The following LRRN2 variants were observed in gnomAD, a reference collection of about 807,000 sequenced individuals.
The protein encoded by LRRN2 is leucine-rich repeat neuronal protein 2.
LRRN2 carries 10 observed loss-of-function variants against 35.7 expected under a neutral mutation model. The observed-to-expected ratio is 0.28, with a 90% CI of 0.17 to 0.47. LRRN2 has a LOEUF of 0.47. Ranked by LOEUF, LRRN2 falls within the 20% of genes least tolerant of loss-of-function variation. The probability of loss-of-function intolerance (pLI) is 0.99; values close to 1 mark genes in which losing one functional copy is unlikely to be tolerated. For synonymous variants in LRRN2, 391 were observed against 409.6 expected (o/e 0.95, Z 0.55); for missense variants, 731 against 940.3 (o/e 0.78, Z 2.91).
intron 1 of LRRN2, among the ~76,000 whole-genome samples, chr1:204,651,143 T>C (rs1377216266): frequency 6.6e-6 from 1 of 152,134 alleles, no homozygotes; most frequent in Non-Finnish European, 1.5e-5. Context: ...GAGGAAGCTG[T>C]GCACAAGGAC....
intron 1 of LRRN2, among the ~76,000 whole-genome samples, chr1:204,637,817 C>T (rs1376997674): frequency 6.6e-6 from 1 of 152,134 alleles, no homozygotes. Flanking sequence ...ATGGCAACAC[C>T]GTGCTCTTTA....
Position 204,676,769 on chromosome 1 carries a change from C to G in LRRN2, c.-227+8551G>C, listed in dbSNP as rs574874277. Among the ~76,000 whole-genome samples the G allele has an allele frequency of 2.6e-5, 4 of 152,146 alleles. No individual in the cohort carries two copies. In the East Asian group the frequency reaches 7.7e-4, roughly 29 times the overall value. On this transcript the variant is annotated intron_variant, in intron 1 of 1. Transcript: ENST00000367177. The stretch of plus-strand genomic sequence containing the variant: ...AACCCTATTCTCTAGAGGAGTGGCC[C>G]TGGGGAAATTGAGAAAAGGAACTAA...
At chr1:204,671,587 A>C (rs1411766949) in intron 1 of LRRN2, among the ~76,000 whole-genome samples, 2 of 140,208 alleles carry the variant, frequency 1.4e-5, no homozygotes, top group Non-Finnish European at 3.1e-5. Flanking sequence ...AAAATGATGG[A>C]CCATGGCCTC....
intron 1 of LRRN2, among the ~76,000 whole-genome samples, chr1:204,625,095 T>C (rs1461048186): frequency 6.6e-6 from 1 of 152,232 alleles, no homozygotes; most frequent in East Asian, 1.9e-4. Flanking sequence ...TCAGCGTTTA[T>C]CTGCTCTTCC....
chr1:204,618,522 C>T lies in LRRN2; in HGVS notation c.1471G>A (p.Glu491Lys). The change falls in exon 2 of 2, where the codon GAG (glutamate) becomes AAG (lysine). Residue 491 changes from glutamate to lysine, a missense_variant. Coordinates refer to ENST00000367177, the MANE Select transcript of LRRN2 (RefSeq NM_201630.2). ...GCCACACAGGTGTATAGCCCTGCCT[C>T]TTCTGCTGTCACCCTCCGCAGCTCC... Reference protein sequence around the residue: ...TLELRRVTAEEAGLYTCVAQN... With the variant: ...TLELRRVTAEKAGLYTCVAQN... 6.2e-7 allele frequency: 1 copy of T among 1,614,210 alleles called. No individual in the cohort carries two copies. Among genetic ancestry groups the T allele is most frequent in the Non-Finnish European group, 8.5e-7 (1 of 1,180,038 alleles).
At chr1:204,631,108 C>CCTAGT (rs78535368) in intron 1 of LRRN2, among the ~76,000 whole-genome samples, 26,462 of 148,736 alleles carry the variant, frequency 0.18, 2,804 homozygotes, top group East Asian at 0.26. Flanking sequence ...GAGGGTGGGC[C>CCTAGT]CTAGTCTAGT....
chr1:204,654,076 T>C, intron 1 of LRRN2, among the ~76,000 whole-genome samples: 1 of 149,004 alleles, frequency 6.7e-6, no homozygotes, highest in East Asian at 2.0e-4. Flanking sequence ...TTAAGTAACC[T>C]GCCTGGGGTC....
chr1:204,620,207 T>C lies in LRRN2; in HGVS notation c.-215A>G, dbSNP rs1481523389. The C allele has an allele frequency of 4.2e-6, 6 of 1,440,522 alleles. No homozygotes were observed. Among genetic ancestry groups the C allele is most frequent in the East Asian group, 5.1e-5 (2 of 39,216 alleles). The allele number at this position is 1,440,522 out of a possible 1,614,324, so 89.2% of individuals were successfully genotyped here. On this transcript the variant is annotated 5_prime_UTR_variant, in exon 2 of 2. It removes an upstream start codon present in the reference 5' UTR. Coordinates refer to ENST00000367177, the MANE Select transcript of LRRN2 (RefSeq NM_201630.2). Reference sequence around the variant, plus strand: ...CCTGCTCAGTCATTGCCAGGCCCCATCAGGGGCAGCCCTGGAAGAAGAGGA... The same window carrying C: ...CCTGCTCAGTCATTGCCAGGCCCCACCAGGGGCAGCCCTGGAAGAAGAGGA...
chr1:204,645,005 ACAGGG>A (rs982989315), intron 1 of LRRN2, among the ~76,000 whole-genome samples: 1 of 152,250 alleles, frequency 6.6e-6, no homozygotes, highest in Admixed American at 6.5e-5. Context: ...ACTCCAAGCC[ACAGGG>A]CAGGGCAGAG....
In LRRN2 at chr1:204,617,685, A is replaced by T; in HGVS notation, c.*166T>A. ...GTAAGGGCAACTTTTTCGAGGCTGC[A>T]GAAGCACCCCCAGGGCCACAAAGCC... On this transcript the variant is annotated 3_prime_UTR_variant, in exon 2 of 2. Transcript: ENST00000367177. The T allele has an allele frequency of 1.3e-6, 1 of 770,246 alleles. No homozygotes were observed. Among genetic ancestry groups the T allele is most frequent in the Non-Finnish European group, 2.1e-6 (1 of 465,988 alleles). 47.7% of individuals were successfully genotyped at this position (770,246 alleles called of 1,614,324 possible).
At chr1:204,679,197 GGA>G (rs1668886236) in intron 1 of LRRN2, among the ~76,000 whole-genome samples, 1 of 152,154 alleles carries the variant, frequency 6.6e-6, no homozygotes. Flanking sequence ...AGAAGGCAGG[GGA>G]AGAGGAGTGG....
At chr1:204,646,681 A>C (rs1352493561) in intron 1 of LRRN2, among the ~76,000 whole-genome samples, 1 of 152,250 alleles carries the variant, frequency 6.6e-6, no homozygotes, top group Non-Finnish European at 1.5e-5. Context: ...AATATGAAAA[A>C]AGAATGTGAA....
intron 1 of LRRN2, among the ~76,000 whole-genome samples, chr1:204,639,028 A>C (rs1318858461): frequency 6.6e-6 from 1 of 152,222 alleles, no homozygotes; most frequent in Non-Finnish European, 1.5e-5. Flanking sequence ...CCTGTGAGCA[A>C]GTGGTGGCAC....
rs369330274 is a variant in LRRN2 at position 204,618,078 on chromosome 1, C to T, written c.1915G>A (p.Val639Ile). 115 of 1,613,806 alleles carry T rather than the reference C, an allele frequency of 7.1e-5. No homozygotes were observed. Among genetic ancestry groups the T allele is most frequent in the Non-Finnish European group, 8.6e-5 (101 of 1,179,914 alleles). The stretch of plus-strand genomic sequence containing the variant: ...GCTAGCCCAGCTGCCAGGAGAAGGA[C>T]AGCGAGAGCCAGGATGGCAATGAGC... ...PGLIAILALA[V>I]LLLAAGLAAH... The change falls in exon 2 of 2, where the codon GTC becomes ATC. Residue 639 changes from valine (V) to isoleucine (I), a missense_variant. Physicochemically the swap from Val to Ile is conservative, Grantham distance 29 (BLOSUM62 3). This residue lies in a region of LRRN2 where 229 missense variants were observed against 258.4 expected (regional missense o/e 0.89). Coordinates refer to ENST00000367177, the MANE Select transcript of LRRN2 (RefSeq NM_201630.2).
intron 1 of LRRN2, among the ~76,000 whole-genome samples, chr1:204,643,296 G>A (rs1000581031): frequency 2.6e-5 from 4 of 152,346 alleles, no homozygotes; most frequent in Admixed American, 2.6e-4. Context: ...GGACTGCAGA[G>A]TCTGGGAATT....
chr1:204,619,744 A>G lies in LRRN2; in HGVS notation c.249T>C (p.Arg83=). ...GGTAGCCCAGCTCACTCTGGTCCAC[A>G]CGGACAATGCTGTTGCTCTGCAGGA... ...TLLLQSNSIV[R]VDQSELGYLA... Residue 83 remains arginine, a synonymous_variant, in exon 2 of 2, where the codon CGT becomes CGC. Coordinates refer to ENST00000367177, the MANE Select transcript of LRRN2 (RefSeq NM_201630.2). 2 of 1,614,210 alleles carry G rather than the reference A, an allele frequency of 1.2e-6. No homozygotes were observed. The highest frequency in any genetic ancestry group is 1.3e-5 in the African/African-American group (1 of 75,056).
chr1:204,684,471 G>A (rs1017988270), intron 1 of LRRN2, among the ~76,000 whole-genome samples: 2 of 152,180 alleles, frequency 1.3e-5, no homozygotes, highest in Middle Eastern at 3.2e-3. Context: ...CCAGGTTCCG[G>A]GTCTCCTGCA....
intron 1 of LRRN2, among the ~76,000 whole-genome samples, chr1:204,632,087 A>G (rs1667719051): frequency 6.6e-6 from 1 of 151,906 alleles, no homozygotes; most frequent in African/African-American, 2.4e-5. Context: ...CAAAACACCT[A>G]TGTGGGTGTG....
intron 1 of LRRN2, among the ~76,000 whole-genome samples, chr1:204,640,346 A>G (rs193050147): frequency 6.6e-6 from 1 of 152,304 alleles, no homozygotes; most frequent in East Asian, 1.9e-4. Context: ...GCCCTGTAAC[A>G]TCATCACACT....
Sources: gnomAD v4.1 joint callset for allele counts (sites outside exome capture counted in the v4.1 genomes callset) on GRCh38, gnomAD v4.1.1 for gene constraint, gnomAD v4.1.1 regional missense constraint, MANE v1.5 for transcripts, NCBI Gene and HGNC (gene_info 2026-07-23, HGNC 2026-07-21) for gene names.